Variants in NXPE2 observed in about 807,000 individuals in gnomAD.
NXPE2 encodes the protein NXPE family member 2.
Under a neutral mutation model 34.4 loss-of-function variants are expected in NXPE2, and 34 were observed. The ratio of observed to expected loss-of-function variants is 0.99; its 90% CI spans 0.75 to 1.31. The LOEUF (loss-of-function observed/expected upper bound fraction) is 1.31, where lower values mean the gene tolerates loss of function less well. NXPE2 is among the 40% of genes most tolerant of loss of function. The pLI, the probability that NXPE2 is intolerant of heterozygous loss-of-function variation, is 0.00. For missense variants in NXPE2, 649 were observed against 672.5 expected (o/e 0.97, Z 0.39); for synonymous variants, 235 against 231.3 (o/e 1.02, Z -0.15).
the NXPE2 span, among the ~76,000 whole-genome samples, chr11:114,788,380 T>C: frequency 6.6e-6 from 1 of 152,192 alleles, no homozygotes; most frequent in Non-Finnish European, 1.5e-5. Context: ...GACATGGGCC[T>C]GGGACCATTG....
the NXPE2 span, among the ~76,000 whole-genome samples, chr11:114,648,845 G>T: frequency 6.6e-6 from 1 of 151,992 alleles, no homozygotes; most frequent in Non-Finnish European, 1.5e-5. Context: ...CTTATAATTT[G>T]TATACCATAG....
chr11:114,663,193 C>G, the NXPE2 span, among the ~76,000 whole-genome samples: 1 of 152,094 alleles, frequency 6.6e-6, no homozygotes, highest in Non-Finnish European at 1.5e-5. Flanking sequence ...ACAGCAGCCA[C>G]AGGTTGAAGT....
In NXPE2 at chr11:114,700,763, G is replaced by A. The variant is rs572052828; in HGVS notation, c.866+1985G>A. Among the ~76,000 whole-genome samples, 16 of 152,242 alleles carry A rather than the reference G, an allele frequency of 1.1e-4. No individual in the cohort carries two copies. The South Asian group carries it at 3.3e-3, about 32-fold the overall frequency. The stretch of plus-strand genomic sequence containing the variant: ...CAGGACTTCTCAGAAACTTTAATAT[G>A]TATCCCTTCAAGCAAGAATAGAGCA... On this transcript the variant is annotated intron_variant, in intron 3 of 5. Coordinates refer to ENST00000389586, the MANE Select transcript of NXPE2 (RefSeq NM_182495.6).
chr11:114,518,334 C>G, the NXPE2 span: 3 of 152,160 alleles, frequency 2.0e-5, no homozygotes, highest in Non-Finnish European at 2.9e-5. Context: ...AGTGTTACAC[C>G]TTTAGGCTGT....
chr11:114,727,774 A>AACACACACAAACACACACACAC, the NXPE2 span, among the ~76,000 whole-genome samples: 402 of 127,620 alleles, frequency 3.1e-3, 5 homozygotes, highest in South Asian at 0.011. Context: ...ATGTGTACAC[A>AACACACACAAACACACACACAC]ACACACACAC....
chr11:114,768,127 A>G, the NXPE2 span, among the ~76,000 whole-genome samples: 2 of 152,136 alleles, frequency 1.3e-5, no homozygotes, highest in African/African-American at 4.8e-5. Flanking sequence ...TTTTCTGCAT[A>G]TGGCTAGCCA....
chr11:114,780,389 C>T, the NXPE2 span, among the ~76,000 whole-genome samples: 2 of 152,256 alleles, frequency 1.3e-5, no homozygotes, highest in South Asian at 4.1e-4. Flanking sequence ...AGGAGCTGTG[C>T]CTGCAGGAAA....
the NXPE2 span, among the ~76,000 whole-genome samples, chr11:114,638,765 T>G: frequency 6.6e-6 from 1 of 151,990 alleles, no homozygotes; most frequent in African/African-American, 2.4e-5. Flanking sequence ...AGCAGCAGTG[T>G]CTGCAGAACA....
At chr11:114,617,846 T>C in the NXPE2 span, among the ~76,000 whole-genome samples, 153 of 152,228 alleles carry the variant, frequency 1.0e-3, 1 homozygote, top group Admixed American at 8.2e-3. Context: ...TGTTACCCAG[T>C]TGATAATAAG....
chr11:114,726,979 T>C, the NXPE2 span, among the ~76,000 whole-genome samples: 6 of 152,242 alleles, frequency 3.9e-5, no homozygotes, highest in Admixed American at 1.3e-4. Context: ...TCTTTCTTTC[T>C]GAGATCTCAC....
At chr11:114,796,709 C>T in the NXPE2 span, among the ~76,000 whole-genome samples, 1 of 152,212 alleles carries the variant, frequency 6.6e-6, no homozygotes, top group Non-Finnish European at 1.5e-5. Context: ...CATTCCTGGT[C>T]CCTGCCTTCA....
the NXPE2 span, among the ~76,000 whole-genome samples, chr11:114,751,874 C>T: frequency 9.9e-5 from 15 of 152,038 alleles, no homozygotes; most frequent in South Asian, 8.3e-4. Context: ...GAGAAGGCAA[C>T]GTGATGATGA....
At chr11:114,601,681 A>ATAT in the NXPE2 span, among the ~76,000 whole-genome samples, 2 of 26,840 alleles carry the variant, frequency 7.5e-5, no homozygotes, top group Admixed American at 7.0e-4. Flanking sequence ...TTATAATTAT[A>ATAT]GATTATATAT....
the NXPE2 span, among the ~76,000 whole-genome samples, chr11:114,534,398 G>A: frequency 7.2e-5 from 11 of 152,322 alleles, no homozygotes; most frequent in East Asian, 1.9e-4. Flanking sequence ...CCAAAGGAAC[G>A]CAGCTCCTCA....
At chr11:114,585,922 C>T in the NXPE2 span, among the ~76,000 whole-genome samples, 1 of 152,124 alleles carries the variant, frequency 6.6e-6, no homozygotes, top group Non-Finnish European at 1.5e-5. Context: ...TTTTCTTTGT[C>T]ACCATGTGTA....
chr11:114,649,673 T>C, the NXPE2 span, among the ~76,000 whole-genome samples: 2 of 152,184 alleles, frequency 1.3e-5, no homozygotes, highest in African/African-American at 4.8e-5. Context: ...GGAAGAAGAC[T>C]GGAGGCGGGG....
chr11:114,735,011 G>A, the NXPE2 span, among the ~76,000 whole-genome samples: 4 of 152,182 alleles, frequency 2.6e-5, no homozygotes, highest in Non-Finnish European at 5.9e-5. Context: ...TCGGGAGGCC[G>A]AAGCAGGAGA....
At chr11:114,646,129 A>G in the NXPE2 span, among the ~76,000 whole-genome samples, 4 of 152,158 alleles carry the variant, frequency 2.6e-5, no homozygotes, top group African/African-American at 9.6e-5. Context: ...TCATTTTTAT[A>G]TGCTGGCCTG....
the NXPE2 span, among the ~76,000 whole-genome samples, chr11:114,806,990 C>G: frequency 1.3e-5 from 2 of 152,144 alleles, no homozygotes; most frequent in African/African-American, 4.8e-5. Flanking sequence ...AACAGCTGAT[C>G]TCTCGCCAGA....
Sources: allele counts gnomAD v4.1 joint callset (sites outside exome capture counted in the v4.1 genomes callset), GRCh38; gene constraint gnomAD v4.1.1; transcripts MANE v1.5; gene names NCBI Gene and HGNC (gene_info 2026-07-23, HGNC 2026-07-21).